The following SDK1 variants were observed in gnomAD, a reference collection of about 807,000 sequenced individuals.
SDK1 encodes protein sidekick-1.
In SDK1, 157 loss-of-function variants were observed where a neutral mutation model predicts 245.5. That is an observed-to-expected ratio of 0.64 (90% CI 0.56 to 0.73). SDK1 has a LOEUF of 0.73. Ranked by LOEUF, SDK1 falls within the 30% of genes least tolerant of loss-of-function variation. SDK1 has a pLI of 0.00. For synonymous variants in SDK1, 1,647 were observed against 1,278.5 expected, an observed-to-expected ratio of 1.29 and a Z score of -6.15; for missense variants, 3,583 against 3,002.3, an observed-to-expected ratio of 1.19 and a Z score of -4.52.
At chr7:3,402,164 G>C (rs1241396388) in intron 1 of SDK1, among the ~76,000 whole-genome samples, 1 of 152,150 alleles carries the variant, frequency 6.6e-6, no homozygotes, top group Non-Finnish European at 1.5e-5. Flanking sequence ...ACTTGAGAAA[G>C]CTTCATGTGG....
intron 4 of SDK1, among the ~76,000 whole-genome samples, chr7:3,807,851 G>GAT (rs1779290092): frequency 6.6e-6 from 1 of 152,180 alleles, no homozygotes; most frequent in South Asian, 2.1e-4. Flanking sequence ...GTAACATGGA[G>GAT]ATAATAACAG....
chr7:3,578,469 C>G (rs376776608), intron 1 of SDK1, among the ~76,000 whole-genome samples: 1 of 151,972 alleles, frequency 6.6e-6, no homozygotes, highest in Non-Finnish European at 1.5e-5. Context: ...AAACAGGATT[C>G]GAGAGCAGAA....
intron 12 of SDK1, among the ~76,000 whole-genome samples, chr7:3,972,113 T>C (rs953660808): frequency 6.9e-6 from 1 of 145,304 alleles, no homozygotes; most frequent in African/African-American, 2.6e-5. Flanking sequence ...AGAGCCTTGC[T>C]CTGTCACCTG....
chr7:4,181,439 A>C lies in SDK1; in HGVS notation c.5098+2853A>C, dbSNP rs1015128134. Among the ~76,000 whole-genome samples the C allele has an allele frequency of 1.5e-4, 23 of 152,316 alleles. 1 individual carries two copies. The highest frequency in any genetic ancestry group is 5.3e-4 in the African/African-American group (22 of 41,568). ...AGAGCTTTTCAGCAGTGCAGAGCTG[A>C]GACAGCCCAGGTGTGGGGAGGCAGT... On this transcript the variant is annotated intron_variant, in intron 35 of 44. Transcript: ENST00000404826.
At chr7:3,641,833 C>T (rs902127433) in intron 3 of SDK1, 125 bp from the exon 4 acceptor site, 35 of 776,254 alleles carry the variant, frequency 4.5e-5, no homozygotes, top group South Asian at 2.4e-4. Context: ...CAGTCTCGCT[C>T]GTCCTGGTGT....
At chr7:4,073,869 G>T (rs7806125) in intron 20 of SDK1, among the ~76,000 whole-genome samples, 1 of 151,752 alleles carries the variant, frequency 6.6e-6, no homozygotes, top group Non-Finnish European at 1.5e-5. Context: ...GATCGAGTGT[G>T]TGGTGGGCAG....
chr7:3,436,749 A>C (rs1780032963), intron 1 of SDK1, among the ~76,000 whole-genome samples: 1 of 152,168 alleles, frequency 6.6e-6, no homozygotes, highest in Non-Finnish European at 1.5e-5. Context: ...TTTAAATTAG[A>C]ACAGATTCTT....
At chr7:3,665,840 T>A (rs1783513518) in intron 4 of SDK1, among the ~76,000 whole-genome samples, 1 of 152,198 alleles carries the variant, frequency 6.6e-6, no homozygotes, top group Non-Finnish European at 1.5e-5. Context: ...TTGTGTTGCT[T>A]TTCTCTCTTT....
chr7:3,838,633 C>G (rs1046297150), intron 5 of SDK1, among the ~76,000 whole-genome samples: 5 of 152,150 alleles, frequency 3.3e-5, no homozygotes, highest in Admixed American at 3.3e-4. Flanking sequence ...CACATAAACA[C>G]TGATGGTCCG....
intron 44 of SDK1, among the ~76,000 whole-genome samples, chr7:4,264,878 G>C (rs899571889): frequency 5.3e-5 from 8 of 152,262 alleles, no homozygotes; most frequent in Non-Finnish European, 1.0e-4. Flanking sequence ...GGTACAGAGT[G>C]AGGGGCTGGA....
In SDK1 at chr7:3,830,318, G is replaced by A. The variant is rs569459701; in HGVS notation, c.847+8735G>A. ...TTATTCAGTAGTGATTTGCCTAATCGGATTTTTTACAAACTCCTCCACATA... is the reference window on the plus strand; with the variant it reads ...TTATTCAGTAGTGATTTGCCTAATCAGATTTTTTACAAACTCCTCCACATA... On this transcript the variant is annotated intron_variant, in intron 5 of 44. Coordinates refer to ENST00000404826, the MANE Select transcript of SDK1 (RefSeq NM_152744.4). Among the ~76,000 whole-genome samples, 27 of 152,190 alleles carry A rather than the reference G, an allele frequency of 1.8e-4. 1 individual carries two copies. Among genetic ancestry groups the A allele is most frequent in the Admixed American group, 5.2e-4 (8 of 15,288 alleles).
At chr7:4,150,628 G>C (rs1226610802) in intron 30 of SDK1, among the ~76,000 whole-genome samples, 1 of 152,224 alleles carries the variant, frequency 6.6e-6, no homozygotes, top group Non-Finnish European at 1.5e-5. Flanking sequence ...AGCCCTTCCT[G>C]ACTGAACCTG....
intron 5 of SDK1, among the ~76,000 whole-genome samples, chr7:3,836,511 C>G (rs1206140051): frequency 6.6e-6 from 1 of 152,156 alleles, no homozygotes; most frequent in Non-Finnish European, 1.5e-5. Context: ...TTTCTACTAT[C>G]AGAGCTTTGG....
At chr7:3,915,169 G>GC (rs1311765357) in intron 5 of SDK1, among the ~76,000 whole-genome samples, 2 of 152,234 alleles carry the variant, frequency 1.3e-5, no homozygotes, top group African/African-American at 4.8e-5. Flanking sequence ...CGTGGTAGGA[G>GC]CAGGGGTAGG....
At chr7:3,750,187 G>A (rs954244104) in intron 4 of SDK1, among the ~76,000 whole-genome samples, 2 of 152,178 alleles carry the variant, frequency 1.3e-5, no homozygotes, top group African/African-American at 4.8e-5. Flanking sequence ...TGCAAAAGAG[G>A]ACTGGAGAGT....
Position 4,133,265 on chromosome 7 carries a change from C to T in SDK1, c.4228+842C>T, listed in dbSNP as rs909825248. ...CACAGATGAAAAGCCTGAATTTTTC[C>T]GTTCCCCAAAGCAACAAATTCTATT... On this transcript the variant is annotated intron_variant, in intron 28 of 44. Transcript: ENST00000404826. Among the ~76,000 whole-genome samples the T allele has an allele frequency of 2.0e-4, 30 of 152,330 alleles. 1 individual carries two copies. Among genetic ancestry groups the T allele is most frequent in the African/African-American group, 6.7e-4 (28 of 41,576 alleles).
chr7:3,655,114 CAA>C (rs1244229409), intron 4 of SDK1, among the ~76,000 whole-genome samples: 2 of 148,432 alleles, frequency 1.3e-5, no homozygotes, highest in East Asian at 2.0e-4. Context: ...TGATCACAAT[CAA>C]GAGGCATTTT....
At chr7:3,820,002 G>T (rs1219732928) in intron 4 of SDK1, among the ~76,000 whole-genome samples, 1 of 152,122 alleles carries the variant, frequency 6.6e-6, no homozygotes, top group African/African-American at 2.4e-5. Flanking sequence ...CACAATTGTG[G>T]TGGGTAACAC....
intron 5 of SDK1, among the ~76,000 whole-genome samples, chr7:3,924,967 C>T (rs925406171): frequency 6.6e-6 from 1 of 152,190 alleles, no homozygotes; most frequent in African/African-American, 2.4e-5. Context: ...AGGACATCAG[C>T]TTAAGCCTCT....
Sources: gnomAD v4.1 joint callset for allele counts (sites outside exome capture counted in the v4.1 genomes callset) on GRCh38, gnomAD v4.1.1 for gene constraint, MANE v1.5 for transcripts, NCBI Gene and HGNC (gene_info 2026-07-23, HGNC 2026-07-21) for gene names.